The following DSE variants were observed in gnomAD, a reference collection of about 807,000 sequenced individuals.
The protein encoded by DSE is dermatan-sulfate epimerase.
In DSE, 36 loss-of-function variants were observed where a neutral mutation model predicts 84.4. The observed-to-expected ratio is 0.43, with a 90% CI of 0.33 to 0.56. DSE has a LOEUF of 0.56. Ranked by LOEUF, DSE falls within the 20% of genes least tolerant of loss-of-function variation. DSE has a pLI of 0.06. For synonymous variants in DSE, 410 were observed against 430.1 expected (o/e 0.95, Z 0.58); for missense variants, 862 against 1,169.6 (o/e 0.74, Z 3.84).
chr6:116,345,675 TA>T (rs1213948859), intron 2 of DSE, among the ~76,000 whole-genome samples: 1 of 151,992 alleles, frequency 6.6e-6, no homozygotes, highest in African/African-American at 2.4e-5. Flanking sequence ...AGGAAAGATC[TA>T]AAATTGACAC....
intron 2 of DSE, among the ~76,000 whole-genome samples, chr6:116,271,755 G>A (rs1278834432): frequency 2.6e-5 from 4 of 152,150 alleles, no homozygotes; most frequent in African/African-American, 9.7e-5. Flanking sequence ...CACCAAGGAA[G>A]AGAAGCCAAA....
intron 1 of DSE, among the ~76,000 whole-genome samples, chr6:116,395,442 G>A (rs1156860532): frequency 6.6e-6 from 1 of 152,128 alleles, no homozygotes; most frequent in Non-Finnish European, 1.5e-5. Context: ...AAGAAAGTGG[G>A]AGGGTTGGGG....
intron 2 of DSE, among the ~76,000 whole-genome samples, chr6:116,345,130 G>C (rs975545542): frequency 2.6e-5 from 4 of 152,132 alleles, no homozygotes; most frequent in Non-Finnish European, 1.5e-5. Context: ...AGCCCTTAGA[G>C]ACCTACAAAG....
At position 116,400,929 on chromosome 6, in the gene DSE, A is replaced by G. The variant is rs545495052; in HGVS notation, c.416+1263A>G. 3.3e-5 allele frequency: 5 copies of G among 152,288 alleles called. No individual in the cohort carries two copies. The South Asian group carries it at 1.0e-3, about 32-fold the overall frequency. 9.4% of individuals were successfully genotyped at this position (152,288 alleles called of 1,614,324 possible). A position where few individuals can be genotyped will look rare whatever the true frequency, so the allele number is the denominator to read the frequency against. On this transcript the variant is annotated intron_variant, in intron 2 of 5. Transcript: ENST00000644252. ...GTTCAATTAGTTTAAAATAGCAACCATATTTACATTATTTAGAAAGAAACC... is the reference window on the plus strand; with the variant it reads ...GTTCAATTAGTTTAAAATAGCAACCGTATTTACATTATTTAGAAAGAAACC...
intron 2 of DSE, among the ~76,000 whole-genome samples, chr6:116,268,561 C>T (rs1332219397): frequency 6.6e-6 from 1 of 152,144 alleles, no homozygotes; most frequent in Non-Finnish European, 1.5e-5. Context: ...TTATATAGGG[C>T]ACTATCCCTC....
intron 2 of DSE, among the ~76,000 whole-genome samples, chr6:116,337,111 A>C (rs17077844): frequency 0.052 from 7,857 of 152,264 alleles, 666 homozygotes; most frequent in African/African-American, 0.17. Flanking sequence ...CATAAGAAAC[A>C]CAAAGCACAA....
rs116912172 is a variant in DSE at position 116,417,866 on chromosome 6, G to A, written c.417-8708G>A. Among the ~76,000 whole-genome samples the A allele has an allele frequency of 2.3e-3, 348 of 152,250 alleles. 1 individual carries two copies. The highest frequency in any genetic ancestry group is 4.1e-3 in the Non-Finnish European group (276 of 68,018). On this transcript the variant is annotated intron_variant, in intron 2 of 5. Transcript: ENST00000644252. ...ACTCTAGCCCTGGCCAGTGTCAAAG[G>A]TAAACAATACCGGACACTAAAGTGG...
intron 2 of DSE, among the ~76,000 whole-genome samples, chr6:116,274,541 T>C (rs1002406462): frequency 5.9e-5 from 9 of 151,406 alleles, no homozygotes; most frequent in African/African-American, 2.2e-4. Flanking sequence ...GATGGTGCCA[T>C]TGCACTCCAG....
chr6:116,387,511 G>A (rs1780645689), intron 1 of DSE, among the ~76,000 whole-genome samples: 1 of 152,180 alleles, frequency 6.6e-6, no homozygotes, highest in Admixed American at 6.5e-5. Context: ...ACCACGTGCA[G>A]CCATGCAGCC....
chr6:116,284,740 A>G (rs181778817), intron 2 of DSE, among the ~76,000 whole-genome samples: 105 of 137,622 alleles, frequency 7.6e-4, no homozygotes, highest in East Asian at 4.6e-3. Flanking sequence ...TCATTGTTCA[A>G]TTCCCACCTA....
At chr6:116,426,150 C>T (rs1374579062) in intron 2 of DSE, among the ~76,000 whole-genome samples, 4 of 152,174 alleles carry the variant, frequency 2.6e-5, no homozygotes, top group African/African-American at 9.7e-5. Context: ...ATATGTTCAA[C>T]TGTCTTAGCA....
chr6:116,415,592 C>T (rs545364862), intron 2 of DSE, among the ~76,000 whole-genome samples: 2 of 147,284 alleles, frequency 1.4e-5, no homozygotes, highest in Admixed American at 1.4e-4. Flanking sequence ...CCTCTTGGGC[C>T]AGTCCTCTTT....
At chr6:116,294,108 C>T (rs577244106) in intron 2 of DSE, among the ~76,000 whole-genome samples, 1 of 152,172 alleles carries the variant, frequency 6.6e-6, no homozygotes, top group African/African-American at 2.4e-5. Context: ...TCTGCAGCCT[C>T]GACCTCCTGG....
chr6:116,431,776 C>T (rs1006053462), intron 4 of DSE, among the ~76,000 whole-genome samples: 2 of 152,032 alleles, frequency 1.3e-5, no homozygotes, highest in Non-Finnish European at 2.9e-5. Flanking sequence ...TCTAAGAGAA[C>T]TAGCTCTAAA....
intron 2 of DSE, chr6:116,399,979 A>G (rs1781495320): frequency 3.5e-6 from 1 of 285,088 alleles, no homozygotes; most frequent in African/African-American, 2.2e-5. Flanking sequence ...GCATGTATAT[A>G]TTACTATCAT....
chr6:116,286,685 T>C (rs1035438089), intron 2 of DSE, among the ~76,000 whole-genome samples: 3 of 152,174 alleles, frequency 2.0e-5, no homozygotes. Flanking sequence ...TAACATTGCC[T>C]ACACTGTAAG....
intron 2 of DSE, among the ~76,000 whole-genome samples, chr6:116,307,029 C>T (rs1775389288): frequency 6.6e-6 from 1 of 152,218 alleles, no homozygotes; most frequent in Non-Finnish European, 1.5e-5. Context: ...TAATATACCT[C>T]CTCTGTGTAT....
At chr6:116,308,021 G>A (rs1775448760) in intron 2 of DSE, among the ~76,000 whole-genome samples, 1 of 152,176 alleles carries the variant, frequency 6.6e-6, no homozygotes, top group South Asian at 2.1e-4. Flanking sequence ...TGAACATTCA[G>A]TGACAATTTA....
At chr6:116,415,108 A>T (rs1231115373) in intron 2 of DSE, among the ~76,000 whole-genome samples, 1 of 152,170 alleles carries the variant, frequency 6.6e-6, no homozygotes, top group Non-Finnish European at 1.5e-5. Context: ...TTAGGTGGAG[A>T]TATTTTCCAC....
Sources: gnomAD v4.1 joint callset for allele counts (sites outside exome capture counted in the v4.1 genomes callset) on GRCh38, gnomAD v4.1.1 for gene constraint, MANE v1.5 for transcripts, NCBI Gene and HGNC (gene_info 2026-07-23, HGNC 2026-07-21) for gene names.